ATP10B: variants seen among roughly 807,000 people sequenced by gnomAD.
ATP10B encodes phospholipid-transporting ATPase VB.
ATP10B carries 122 observed loss-of-function variants against 141.2 expected under a neutral mutation model. That is an observed-to-expected ratio of 0.86 (90% CI 0.75 to 1.00). The LOEUF is 1.00. Ranked by LOEUF, ATP10B falls within the 50% of genes least tolerant of loss-of-function variation. The pLI is 0.00. For missense variants in ATP10B, 1,876 were observed against 1,825.3 expected, an observed-to-expected ratio of 1.03 and a Z score of -0.51; for synonymous variants, 685 against 692.0, an observed-to-expected ratio of 0.99 and a Z score of 0.16.
intron 7 of ATP10B, among the ~76,000 whole-genome samples, chr5:160,660,108 T>G (rs1761809362): frequency 6.6e-6 from 1 of 152,206 alleles, no homozygotes; most frequent in Non-Finnish European, 1.5e-5. Flanking sequence ...ACGTATTTAA[T>G]GTGGATGAGG....
intron 2 of ATP10B, among the ~76,000 whole-genome samples, chr5:160,767,572 C>T (rs1006556678): frequency 6.7e-6 from 1 of 149,320 alleles, no homozygotes; most frequent in African/African-American, 2.4e-5. Context: ...ATAAATATTA[C>T]TTTGGTAGAA....
chr5:160,865,284 G>A, the ATP10B span, among the ~76,000 whole-genome samples: 893 of 151,986 alleles, frequency 5.9e-3, 12 homozygotes, highest in African/African-American at 0.02. Flanking sequence ...CTTACAACCA[G>A]CTGGTCTTTG....
chr5:160,795,938 T>G (rs1000600438), intron 1 of ATP10B, among the ~76,000 whole-genome samples: 7 of 152,218 alleles, frequency 4.6e-5, no homozygotes, highest in African/African-American at 1.7e-4. Context: ...TGTGGTAATT[T>G]ATATGGCAGC....
chr5:160,681,906 T>C (rs1763422056), intron 6 of ATP10B, among the ~76,000 whole-genome samples: 1 of 152,192 alleles, frequency 6.6e-6, no homozygotes, highest in Non-Finnish European at 1.5e-5. Context: ...TTCTACATAA[T>C]AACAATTAGC....
At chr5:160,808,458 G>T (rs1298261552) in intron 1 of ATP10B, among the ~76,000 whole-genome samples, 3 of 152,128 alleles carry the variant, frequency 2.0e-5, no homozygotes, top group Non-Finnish European at 4.4e-5. Flanking sequence ...ATTTGACTTT[G>T]TGTGTTCTGT....
chr5:160,753,783 C>T (rs764220310), intron 2 of ATP10B, among the ~76,000 whole-genome samples: 4 of 152,042 alleles, frequency 2.6e-5, no homozygotes, highest in Non-Finnish European at 4.4e-5. Flanking sequence ...ACTAATTTAC[C>T]CATATACTAC....
At chr5:160,760,830 A>G (rs773672578) in intron 2 of ATP10B, among the ~76,000 whole-genome samples, 2 of 152,086 alleles carry the variant, frequency 1.3e-5, no homozygotes, top group Non-Finnish European at 2.9e-5. Flanking sequence ...TGGCCTGAGA[A>G]CCACACCCTT....
intron 2 of ATP10B, among the ~76,000 whole-genome samples, chr5:160,749,173 A>G (rs1476949976): frequency 6.6e-6 from 1 of 152,220 alleles, no homozygotes; most frequent in Admixed American, 6.5e-5. Flanking sequence ...GCTCAAAGTT[A>G]TACCTTAGAC....
chr5:160,717,048 A>G lies in ATP10B; in HGVS notation c.-330-14T>C. On this transcript the variant is annotated splice_polypyrimidine_tract_variant and intron_variant, in intron 2 of 25. Transcript: ENST00000327245. ...AAATTGCAAGTTCTGTAAGCAAGAA[A>G]AGAAAATATTGAGTAGGCAACTAAC... 1 of 985,382 alleles carries G rather than the reference A, an allele frequency of 1.0e-6. No individual in the cohort carries two copies. Among genetic ancestry groups the G allele is most frequent in the Non-Finnish European group, 1.2e-6 (1 of 829,870 alleles). The allele number at this position is 985,382 out of a possible 1,614,324, so 61.0% of individuals were successfully genotyped here.
At chr5:160,584,422 AC>A (rs1363349222) in intron 24 of ATP10B, among the ~76,000 whole-genome samples, 1 of 151,814 alleles carries the variant, frequency 6.6e-6, no homozygotes, top group African/African-American at 2.4e-5. Flanking sequence ...TGCGGAAATC[AC>A]CCACCTTCTG....
Position 160,602,577 on chromosome 5 carries a change from C to T in ATP10B, c.3363G>A (p.Val1121=), listed in dbSNP as rs1561644208. Residue 1121 remains valine (V), a splice_region_variant and synonymous_variant, in exon 21 of 26, where the codon GTG becomes GTA. Transcript: ENST00000327245. ...RMVVYYLYKN[V]CYVNLLFWYQ... is the part of the protein sequence containing the mutation. ...TGAGAGGACGCCATAGGCTACTTAC[C>T]ACGTTCTTGTAGAGGTAGTACACCA... 2 of 1,613,694 alleles carry T rather than the reference C, an allele frequency of 1.2e-6. No homozygotes were observed. The highest frequency in any genetic ancestry group is 1.3e-5 in the African/African-American group (1 of 75,048).
chr5:160,807,148 C>T (rs1256671090), intron 1 of ATP10B, among the ~76,000 whole-genome samples: 2 of 152,096 alleles, frequency 1.3e-5, no homozygotes, highest in Non-Finnish European at 2.9e-5. Flanking sequence ...AGGGAGAAAT[C>T]AAGGGGCAGA....
chr5:160,922,920 T>C, the ATP10B span, among the ~76,000 whole-genome samples: 5 of 152,354 alleles, frequency 3.3e-5, no homozygotes, highest in South Asian at 1.0e-3. Flanking sequence ...TGAAATGCAA[T>C]AGTATCTGCT....
intron 2 of ATP10B, among the ~76,000 whole-genome samples, chr5:160,723,366 T>C (rs9313854): frequency 0.73 from 110,576 of 152,140 alleles, 40,356 homozygotes; most frequent in South Asian, 0.83. Context: ...CTGTGTTTAG[T>C]TCTCTGAAGG....
At chr5:160,624,929 G>T (rs1486876277) in intron 13 of ATP10B, among the ~76,000 whole-genome samples, 2 of 152,154 alleles carry the variant, frequency 1.3e-5, no homozygotes, top group Non-Finnish European at 2.9e-5. Context: ...GGACCATCTA[G>T]TGTTTGTCAT....
At chr5:160,638,882 G>A (rs1759620602) in intron 10 of ATP10B, among the ~76,000 whole-genome samples, 1 of 151,722 alleles carries the variant, frequency 6.6e-6, no homozygotes, top group African/African-American at 2.4e-5. Flanking sequence ...TAGACAGTGG[G>A]GAGTCTTGGC....
At chr5:160,636,342 A>G in intron 10 of ATP10B, 33 bp from the exon 11 acceptor site, 2 of 1,606,566 alleles carry the variant, frequency 1.2e-6, no homozygotes, top group Non-Finnish European at 1.7e-6. Flanking sequence ...ATGAGGCTGA[A>G]TCTCTACTAA....
intron 2 of ATP10B, among the ~76,000 whole-genome samples, chr5:160,755,115 G>C (rs1768430121): frequency 6.6e-6 from 1 of 152,170 alleles, no homozygotes; most frequent in South Asian, 2.1e-4. Flanking sequence ...GGCTTAACAG[G>C]AAGCATGACT....
chr5:160,589,960 A>T (rs1320317397), intron 23 of ATP10B, among the ~76,000 whole-genome samples: 1 of 152,204 alleles, frequency 6.6e-6, no homozygotes, highest in African/African-American at 2.4e-5. Flanking sequence ...ATTCATTGAG[A>T]GCCCATCAGA....
Sources: allele counts gnomAD v4.1 joint callset (sites outside exome capture counted in the v4.1 genomes callset), GRCh38; gene constraint gnomAD v4.1.1; transcripts MANE v1.5; gene names NCBI Gene and HGNC (gene_info 2026-07-23, HGNC 2026-07-21).